Variants in GUCY2C observed in about 807,000 individuals in gnomAD.
GUCY2C encodes guanylyl cyclase C.
Under a neutral mutation model 131.1 loss-of-function variants are expected in GUCY2C, and 118 were observed. The ratio of observed to expected loss-of-function variants is 0.90; its 90% CI spans 0.78 to 1.05. The LOEUF (loss-of-function observed/expected upper bound fraction) is 1.05. Among genes scored for constraint, GUCY2C ranks in the 50% least tolerant of loss-of-function variants. The pLI is 0.00. For missense variants in GUCY2C, 1,161 were observed against 1,304.4 expected, an observed-to-expected ratio of 0.89 and a Z score of 1.69; for synonymous variants, 452 against 457.8, an observed-to-expected ratio of 0.99 and a Z score of 0.16.
chr12:14,688,834 TC>T (rs1354540655), intron 1 of GUCY2C, among the ~76,000 whole-genome samples: 2 of 151,996 alleles, frequency 1.3e-5, no homozygotes, highest in Admixed American at 1.3e-4. Context: ...AGGGCAAAAA[TC>T]CCAGGCAGGA....
At chr12:14,646,124 C>A (rs900628912) in intron 15 of GUCY2C, among the ~76,000 whole-genome samples, 3 of 152,184 alleles carry the variant, frequency 2.0e-5, no homozygotes, top group African/African-American at 7.2e-5. Context: ...GCACAAGCCA[C>A]CGCGCCCCGC....
chr12:14,674,603 T>G, intron 8 of GUCY2C, 22 bp downstream of exon 8: 1 of 1,611,622 alleles, frequency 6.2e-7, no homozygotes, highest in East Asian at 2.2e-5. Context: ...CTTGGGGTTA[T>G]TTGCTCTTAG....
At chr12:14,659,841 AC>A (rs1400334925) in intron 11 of GUCY2C, among the ~76,000 whole-genome samples, 2 of 152,190 alleles carry the variant, frequency 1.3e-5, no homozygotes, top group East Asian at 3.8e-4. Flanking sequence ...ATAGCATTGC[AC>A]TGGTCATTAG....
intron 17 of GUCY2C, 135 bp from the exon 18 acceptor site, chr12:14,641,354 GAT>G: frequency 3.4e-6 from 3 of 889,984 alleles, no homozygotes; most frequent in Non-Finnish European, 5.1e-6. Flanking sequence ...GCCTTGAATT[GAT>G]ATGATTCCAA....
At chr12:14,642,290 G>A (rs112314338) in intron 17 of GUCY2C, among the ~76,000 whole-genome samples, 3,642 of 152,218 alleles carry the variant, frequency 0.024, 87 homozygotes, top group African/African-American at 0.061. Context: ...AGATACTCGA[G>A]TTTTGAATCC....
At chr12:14,662,675 C>CAAAAAA (rs35153087) in intron 10 of GUCY2C, among the ~76,000 whole-genome samples, 5 of 72,078 alleles carry the variant, frequency 6.9e-5, no homozygotes, top group African/African-American at 1.3e-4. Flanking sequence ...GACTCCGTCT[C>CAAAAAA]AAAAAAAAAA....
intron 24 of GUCY2C, 55 bp downstream of exon 24, chr12:14,619,156 C>T (rs1946842495): frequency 2.0e-6 from 2 of 976,588 alleles, no homozygotes; most frequent in Admixed American, 1.7e-5. Flanking sequence ...TCACAGTTGC[C>T]CTCTGCTGGA....
At chr12:14,659,064 G>A (rs1287895419) in intron 11 of GUCY2C, among the ~76,000 whole-genome samples, 2 of 133,162 alleles carry the variant, frequency 1.5e-5, no homozygotes, top group African/African-American at 5.6e-5. Context: ...TTTTTTTTTT[G>A]AGACGGAGTC....
At chr12:14,680,052 A>G (rs1948318875) in intron 5 of GUCY2C, among the ~76,000 whole-genome samples, 1 of 152,168 alleles carries the variant, frequency 6.6e-6, no homozygotes, top group African/African-American at 2.4e-5. Flanking sequence ...TGACAAAGAC[A>G]GCTCTGACAG....
At position 14,645,218 on chromosome 12, in the gene GUCY2C, G is replaced by T. The variant is rs778341005; in HGVS notation, c.1797+11C>A. 4 of 1,374,978 alleles carry T rather than the reference G, an allele frequency of 2.9e-6. No individual in the cohort carries two copies. The highest frequency in any genetic ancestry group is 3.1e-6 in the Non-Finnish European group (3 of 972,248). 85.2% of individuals were successfully genotyped at this position (1,374,978 alleles called of 1,614,324 possible). A position where few individuals can be genotyped will look rare whatever the true frequency, so the allele number is the denominator to read the frequency against. On this transcript the variant is annotated intron_variant, in intron 16 of 26. Transcript: ENST00000261170. ...TAATTTTCATATTTTCTGTGTGTGT[G>T]TTTCTCTTACCTTAGCAATGTCATA...
intron 24 of GUCY2C, among the ~76,000 whole-genome samples, chr12:14,618,963 T>A (rs1461630646): frequency 6.6e-6 from 1 of 152,066 alleles, no homozygotes; most frequent in Non-Finnish European, 1.5e-5. Flanking sequence ...TCATTGTATA[T>A]GAGCCAAAAA....
intron 1 of GUCY2C, among the ~76,000 whole-genome samples, chr12:14,690,620 C>A (rs1948556468): frequency 6.6e-6 from 1 of 152,122 alleles, no homozygotes; most frequent in African/African-American, 2.4e-5. Flanking sequence ...CTGCTTACTG[C>A]AAGCTCCACC....
At chr12:14,642,512 A>G (rs968668980) in intron 17 of GUCY2C, among the ~76,000 whole-genome samples, 3 of 152,192 alleles carry the variant, frequency 2.0e-5, no homozygotes, top group Admixed American at 6.5e-5. Flanking sequence ...GTCCAAATGT[A>G]CATCACCTTT....
chr12:14,635,500 C>CA (rs1269310505), intron 19 of GUCY2C, among the ~76,000 whole-genome samples: 1 of 151,826 alleles, frequency 6.6e-6, no homozygotes, highest in Non-Finnish European at 1.5e-5. Context: ...ATGCCTGCAT[C>CA]AAAAAATCAG....
intron 10 of GUCY2C, among the ~76,000 whole-genome samples, chr12:14,665,015 C>T (rs931370980): frequency 1.3e-5 from 2 of 151,986 alleles, no homozygotes; most frequent in Non-Finnish European, 2.9e-5. Flanking sequence ...AGTTCGAGAC[C>T]AGCCTGGCCA....
At chr12:14,620,591 A>T (rs1005882835) in intron 23 of GUCY2C, among the ~76,000 whole-genome samples, 1 of 152,210 alleles carries the variant, frequency 6.6e-6, no homozygotes, top group Non-Finnish European at 1.5e-5. Flanking sequence ...CTGCAGTGGC[A>T]GGGAAGGGAG....
chr12:14,616,591 T>C (rs761899527), intron 25 of GUCY2C, 42 bp downstream of exon 25: 19 of 1,111,314 alleles, frequency 1.7e-5, no homozygotes, highest in Non-Finnish European at 2.8e-6. Flanking sequence ...CCCAAGCGTG[T>C]CTGAGAGCTT....
rs1206958286 is a variant in GUCY2C at position 14,674,619 on chromosome 12, C to T, written c.1084+6G>A. On this transcript the variant is annotated splice_donor_region_variant and intron_variant, in intron 8 of 26. Transcript: ENST00000261170. ...TTGGGGTTATTTGCTCTTAGTAGAC[C>T]AGTACCTTCAAAAGTGAGATTCCTG... The T allele has an allele frequency of 6.8e-6, 11 of 1,613,040 alleles. No individual in the cohort carries two copies. Among genetic ancestry groups the T allele is most frequent in the Non-Finnish European group, 9.3e-6 (11 of 1,179,312 alleles).
At chr12:14,689,179 A>G (rs887702054) in intron 1 of GUCY2C, among the ~76,000 whole-genome samples, 24 of 152,240 alleles carry the variant, frequency 1.6e-4, no homozygotes, top group African/African-American at 5.5e-4. Flanking sequence ...GCAAAAGTAG[A>G]GAAAAATGGT....
Sources: gnomAD v4.1 joint callset for allele counts (sites outside exome capture counted in the v4.1 genomes callset) on GRCh38, gnomAD v4.1.1 for gene constraint, MANE v1.5 for transcripts, NCBI Gene and HGNC (gene_info 2026-07-23, HGNC 2026-07-21) for gene names.